FMN2: variants seen among roughly 807,000 people sequenced by gnomAD.
The protein encoded by FMN2 is formin 2, also known as formin-2.
In FMN2, 51 loss-of-function variants were observed where a neutral mutation model predicts 142.3. That is an observed-to-expected ratio of 0.36 (90% CI 0.29 to 0.45). FMN2 has a LOEUF of 0.45. Among genes scored for constraint, FMN2 ranks in the 20% least tolerant of loss-of-function variants. The pLI, the probability that FMN2 is intolerant of heterozygous loss-of-function variation, is 1.00. For synonymous variants in FMN2, 882 were observed against 869.8 expected (o/e 1.01, Z -0.25); for missense variants, 1,936 against 2,122.8 (o/e 0.91, Z 1.73).
Position 240,133,487 on chromosome 1 carries a change from T to G in FMN2, c.1782+10142T>G, listed in dbSNP as rs12026575. On this transcript the variant is annotated intron_variant, in intron 2 of 17. Transcript: ENST00000319653. ...CACCTGGCCATGTCATTTTAATTGT[T>G]TCTCTATCAGAATAAACTCCAGCTT... Among the ~76,000 whole-genome samples the G allele has an allele frequency of 1.8e-4, 27 of 152,294 alleles. No individual in the cohort carries two copies. The East Asian group carries it at 3.5e-3, about 20-fold the overall frequency.
intron 15 of FMN2, among the ~76,000 whole-genome samples, chr1:240,436,631 C>T (rs1394995471): frequency 1.3e-5 from 2 of 148,306 alleles, no homozygotes; most frequent in African/African-American, 5.0e-5. Flanking sequence ...GAGCTGAGAC[C>T]ATGCTGTTGC....
At chr1:240,143,941 A>G (rs1663310226) in intron 2 of FMN2, 1 of 1,480,840 alleles carries the variant, frequency 6.8e-7, no homozygotes, top group African/African-American at 1.4e-5. Flanking sequence ...AGATGGAACC[A>G]AGTCTCATGG....
intron 1 of FMN2, among the ~76,000 whole-genome samples, chr1:240,121,654 G>A (rs987954217): frequency 2.8e-5 from 4 of 145,130 alleles, no homozygotes; most frequent in African/African-American, 1.0e-4. Context: ...CTCCCAAAGT[G>A]CTGGGATTAC....
At chr1:240,220,892 G>A (rs928715844) in intron 6 of FMN2, among the ~76,000 whole-genome samples, 105 of 151,758 alleles carry the variant, frequency 6.9e-4, no homozygotes, top group Non-Finnish European at 1.1e-3. Context: ...GACAGGCCCC[G>A]GTGTGTGATG....
intron 16 of FMN2, among the ~76,000 whole-genome samples, chr1:240,444,264 GT>G (rs1675730735): frequency 6.6e-6 from 1 of 152,026 alleles, no homozygotes; most frequent in African/African-American, 2.4e-5. Context: ...ACTGGTTGGT[GT>G]ATCATGCAGT....
chr1:240,303,040 TA>T (rs10711831), intron 8 of FMN2, among the ~76,000 whole-genome samples: 56,072 of 148,502 alleles, frequency 0.38, 10,708 homozygotes, highest in African/African-American at 0.46. Flanking sequence ...TCTCTATGAC[TA>T]AAAAAAAAAA....
intron 8 of FMN2, among the ~76,000 whole-genome samples, chr1:240,328,798 C>T (rs1228670684): frequency 6.6e-6 from 1 of 151,994 alleles, no homozygotes; most frequent in Non-Finnish European, 1.5e-5. Context: ...CCATGTTGGC[C>T]AAGCCAGTCC....
rs1017297513 is a variant in FMN2, at chr1:240,232,220, G to T, written c.4065+20985G>T. 2.7e-5 allele frequency among the ~76,000 whole-genome samples: 4 copies of T among 150,272 alleles called. No homozygotes were observed. In the Admixed American group the frequency reaches 2.7e-4, roughly 10 times the overall value. On this transcript the variant is annotated intron_variant, in intron 6 of 17. Coordinates refer to ENST00000319653, the MANE Select transcript of FMN2 (RefSeq NM_020066.5). ...AAGTAGCTGGAACTACAGGCACCAG[G>T]CACACACCAACCACCAGGCCCAGCT...
chr1:240,292,095 A>G (rs10802855), intron 7 of FMN2, among the ~76,000 whole-genome samples: 46,030 of 151,810 alleles, frequency 0.3, 7,394 homozygotes, highest in Admixed American at 0.47. Flanking sequence ...GTTCGATTCC[A>G]TGTTCTATGT....
At chr1:240,410,148 C>T (rs944446087) in intron 15 of FMN2, among the ~76,000 whole-genome samples, 1 of 117,012 alleles carries the variant, frequency 8.5e-6, no homozygotes, top group Admixed American at 9.4e-5. Context: ...TCCCAGATAA[C>T]AGTACATAAA....
At chr1:240,169,548 C>T (rs754615448) in intron 2 of FMN2, among the ~76,000 whole-genome samples, 1 of 152,178 alleles carries the variant, frequency 6.6e-6, no homozygotes, top group Non-Finnish European at 1.5e-5. Context: ...ACTGCAGCCT[C>T]GACCTCCCCC....
rs1448065432 is a variant in FMN2 at position 240,473,188 on chromosome 1, A to G, written c.5142+735A>G. Among the ~76,000 whole-genome samples the G allele has an allele frequency of 6.6e-6, 1 of 152,164 alleles. No homozygotes were observed. The highest frequency in any genetic ancestry group is 2.4e-5 in the African/African-American group (1 of 41,424). ...GTGTGACGCTTTGCCCAGGGTGCCC[A>G]GACCCCGTTTATATCCACAGATGGC... On this transcript the variant is annotated intron_variant, in intron 17 of 17. Transcript: ENST00000319653. The surrounding 1 kb of genome is among the most constrained non-coding windows in gnomAD (Gnocchi z 4.3).
intron 6 of FMN2, among the ~76,000 whole-genome samples, chr1:240,245,045 T>C (rs1225952070): frequency 6.6e-6 from 1 of 152,246 alleles, no homozygotes; most frequent in South Asian, 2.1e-4. Context: ...TTATCATGTA[T>C]ATGTTGCAGT....
chr1:240,248,608 C>T (rs1268855845), intron 6 of FMN2, among the ~76,000 whole-genome samples: 7 of 151,836 alleles, frequency 4.6e-5, no homozygotes, highest in Non-Finnish European at 1.0e-4. Flanking sequence ...CCTTTGGGTA[C>T]ATACCCAGGA....
intron 8 of FMN2, among the ~76,000 whole-genome samples, chr1:240,314,013 T>C (rs2102990887): frequency 6.6e-6 from 1 of 152,202 alleles, no homozygotes; most frequent in Non-Finnish European, 1.5e-5. Flanking sequence ...CTGAAAAATA[T>C]TTAACGTGTA....
intron 8 of FMN2, among the ~76,000 whole-genome samples, chr1:240,317,043 ATG>A (rs1234001378): frequency 2.6e-5 from 4 of 152,192 alleles, no homozygotes; most frequent in African/African-American, 7.2e-5. Context: ...TGGGTGGCTC[ATG>A]CCTGTAATCC....
chr1:240,176,463 A>G (rs12095197), intron 2 of FMN2, among the ~76,000 whole-genome samples: 14,207 of 152,252 alleles, frequency 0.093, 799 homozygotes, highest in African/African-American at 0.16. Flanking sequence ...ACTGTTGGCA[A>G]CAGGCAAAGA....
chr1:240,389,834 G>A (rs1246306459), intron 14 of FMN2, among the ~76,000 whole-genome samples: 5 of 152,116 alleles, frequency 3.3e-5, no homozygotes, highest in Non-Finnish European at 7.4e-5. Context: ...GGCATACCCT[G>A]TAATCCCAGC....
At chr1:240,337,610 A>G (rs576178067) in intron 13 of FMN2, among the ~76,000 whole-genome samples, 3 of 152,244 alleles carry the variant, frequency 2.0e-5, no homozygotes, top group African/African-American at 7.2e-5. Flanking sequence ...TAAATATCCA[A>G]TAAATCTTGG....
Sources: gnomAD v4.1 joint callset for allele counts (sites outside exome capture counted in the v4.1 genomes callset) on GRCh38, gnomAD v4.1.1 for gene constraint, Gnocchi (gnomAD v3.1) non-coding constraint, MANE v1.5 for transcripts, NCBI Gene and HGNC (gene_info 2026-07-23, HGNC 2026-07-21) for gene names.